The following MDGA2 variants were observed in gnomAD, a reference collection of about 807,000 sequenced individuals.
The protein encoded by MDGA2 is MAM domain-containing glycosylphosphatidylinositol anchor protein 2.
In MDGA2, 40 loss-of-function variants were observed where a neutral mutation model predicts 117.8. That is an observed-to-expected ratio of 0.34 (90% CI 0.26 to 0.44). The LOEUF (loss-of-function observed/expected upper bound fraction) is 0.44. Ranked by LOEUF, MDGA2 falls within the 20% of genes least tolerant of loss-of-function variation. The probability of loss-of-function intolerance (pLI) is 1.00; values close to 1 mark genes in which losing one functional copy is unlikely to be tolerated. For missense variants in MDGA2, 1,123 were observed against 1,250.6 expected, an observed-to-expected ratio of 0.90 and a Z score of 1.54; for synonymous variants, 452 against 439.0, an observed-to-expected ratio of 1.03 and a Z score of -0.37.
intron 2 of MDGA2, among the ~76,000 whole-genome samples, chr14:47,288,766 A>C (rs970514786): frequency 1.3e-5 from 2 of 152,198 alleles, no homozygotes; most frequent in Non-Finnish European, 2.9e-5. Flanking sequence ...TCCTTAAAAA[A>C]AGAATTGATT....
intron 3 of MDGA2, among the ~76,000 whole-genome samples, chr14:47,214,031 C>T (rs1183549694): frequency 6.6e-6 from 1 of 152,052 alleles, no homozygotes; most frequent in Non-Finnish European, 1.5e-5. Flanking sequence ...TAAAGAGTCC[C>T]TCATAAAACC....
intron 3 of MDGA2, among the ~76,000 whole-genome samples, chr14:47,158,363 GGTGTGTGTGTGTGTGTGT>G (rs34198544): frequency 2.0e-5 from 3 of 146,682 alleles, no homozygotes; most frequent in African/African-American, 7.6e-5. Context: ...CCCTGGGGTG[GGTGTGTGTGTGTGTGTGT>G]GTGTGTGTGT....
chr14:47,003,211 T>C (rs1887593218), intron 8 of MDGA2, among the ~76,000 whole-genome samples: 1 of 152,156 alleles, frequency 6.6e-6, no homozygotes, highest in Non-Finnish European at 1.5e-5. Flanking sequence ...CATCTATTTG[T>C]GGACATTTGA....
intron 10 of MDGA2, among the ~76,000 whole-genome samples, chr14:46,909,802 A>G (rs558080449): frequency 1.3e-5 from 2 of 152,274 alleles, no homozygotes; most frequent in Non-Finnish European, 2.9e-5. Flanking sequence ...CTTATTCAAT[A>G]TAGGAAAACT....
In MDGA2 at chr14:46,987,598, T is replaced by C. The variant is rs374049601; in HGVS notation, c.1820-29955A>G. ...ACCTTGGTGATACGAAAATAGAAAA[T>C]CATTTTAAGGAGCAACACTCCTGTA... is the stretch of plus-strand genomic sequence containing the variant. On this transcript the variant is annotated intron_variant, in intron 8 of 16. Coordinates refer to ENST00000399232, the MANE Select transcript of MDGA2 (RefSeq NM_001113498.3). Among the ~76,000 whole-genome samples the C allele has an allele frequency of 5.3e-5, 8 of 151,924 alleles. No homozygotes were observed. In the East Asian group the frequency reaches 9.6e-4, roughly 18 times the overall value.
intron 8 of MDGA2, among the ~76,000 whole-genome samples, chr14:46,981,642 T>C (rs945589892): frequency 3.3e-5 from 5 of 152,150 alleles, no homozygotes; most frequent in Admixed American, 2.6e-4. Context: ...GATATAGAGT[T>C]CCAGTACTGT....
chr14:47,345,757 A>T (rs536097758), intron 1 of MDGA2, among the ~76,000 whole-genome samples: 3 of 152,184 alleles, frequency 2.0e-5, no homozygotes, highest in Non-Finnish European at 4.4e-5. Flanking sequence ...TAGACATTTC[A>T]TATTCACAGA....
chr14:47,244,260 C>T (rs1887165766), intron 2 of MDGA2, among the ~76,000 whole-genome samples: 1 of 151,722 alleles, frequency 6.6e-6, no homozygotes. Context: ...TAATAGAAGT[C>T]AATTAATTTT....
At chr14:46,980,489 C>T (rs1886629838) in intron 8 of MDGA2, among the ~76,000 whole-genome samples, 1 of 152,122 alleles carries the variant, frequency 6.6e-6, no homozygotes, top group Admixed American at 6.5e-5. Flanking sequence ...ACATAATGTT[C>T]ATTGATAAAG....
At chr14:47,674,371 C>G in intron 1 of MDGA2, 146 bp downstream of exon 1, 1 of 700,670 alleles carries the variant, frequency 1.4e-6, no homozygotes, top group Non-Finnish European at 2.3e-6. Context: ...CTCGCTGCCT[C>G]TTTATCGCTC....
intron 6 of MDGA2, among the ~76,000 whole-genome samples, chr14:47,080,516 G>C (rs1412312197): frequency 1.3e-5 from 2 of 152,110 alleles, no homozygotes; most frequent in African/African-American, 4.8e-5. Context: ...CTGTTGCTCA[G>C]TGATGCTTTG....
intron 2 of MDGA2, among the ~76,000 whole-genome samples, chr14:47,291,203 C>T (rs576476313): frequency 6.6e-6 from 1 of 152,250 alleles, no homozygotes; most frequent in African/African-American, 2.4e-5. Context: ...AAACTGCCAG[C>T]CTTCAAAATT....
chr14:47,018,122 AT>A (rs1312323192), intron 8 of MDGA2, among the ~76,000 whole-genome samples: 1 of 148,530 alleles, frequency 6.7e-6, no homozygotes, highest in Non-Finnish European at 1.5e-5. Context: ...AAATATCATA[AT>A]TTTTTTTTCT....
chr14:47,598,223 T>C (rs1180569343), intron 1 of MDGA2, among the ~76,000 whole-genome samples: 1 of 152,168 alleles, frequency 6.6e-6, no homozygotes, highest in East Asian at 1.9e-4. Context: ...GTATTGTTGA[T>C]GAAAACATAA....
At chr14:47,235,362 G>A (rs1040810636) in intron 2 of MDGA2, among the ~76,000 whole-genome samples, 6 of 152,168 alleles carry the variant, frequency 3.9e-5, no homozygotes, top group Non-Finnish European at 1.5e-5. Flanking sequence ...GTCTTTTGAA[G>A]GAGGAGGTTT....
intron 1 of MDGA2, among the ~76,000 whole-genome samples, chr14:47,646,776 G>T (rs78157129): frequency 0.09 from 13,644 of 152,182 alleles, 649 homozygotes; most frequent in Non-Finnish European, 0.11. Flanking sequence ...TTAATTTTAG[G>T]GTTGAATTTT....
At chr14:47,584,450 T>C (rs1896286173) in intron 1 of MDGA2, among the ~76,000 whole-genome samples, 1 of 151,836 alleles carries the variant, frequency 6.6e-6, no homozygotes, top group Non-Finnish European at 1.5e-5. Context: ...AGCAGAACCA[T>C]AAATAAGACA....
At chr14:47,532,015 T>C (rs1218423143) in intron 1 of MDGA2, among the ~76,000 whole-genome samples, 3 of 152,164 alleles carry the variant, frequency 2.0e-5, no homozygotes, top group Non-Finnish European at 4.4e-5. Context: ...AACCACCACA[T>C]CTAGATTCTC....
chr14:47,074,299 A>G (rs955184329), intron 6 of MDGA2, among the ~76,000 whole-genome samples: 6 of 148,200 alleles, frequency 4.0e-5, no homozygotes, highest in Non-Finnish European at 7.4e-5. Context: ...CACCAGTAAC[A>G]GAACTTTTTT....
Sources: gnomAD v4.1 joint callset for allele counts (sites outside exome capture counted in the v4.1 genomes callset) on GRCh38, gnomAD v4.1.1 for gene constraint, MANE v1.5 for transcripts, NCBI Gene and HGNC (gene_info 2026-07-23, HGNC 2026-07-21) for gene names.